TASP1: variants seen among roughly 807,000 people sequenced by gnomAD.
TASP1 encodes taspase 1.
Under a neutral mutation model 56.6 loss-of-function variants are expected in TASP1, and 16 were observed. The observed-to-expected ratio is 0.28, with a 90% confidence interval of 0.19 to 0.43. The LOEUF (loss-of-function observed/expected upper bound fraction) is 0.43. TASP1 is among the 20% of genes least tolerant of loss of function. The pLI is 1.00. For missense variants in TASP1, 393 were observed against 511.6 expected, an observed-to-expected ratio of 0.77 and a Z score of 2.24; for synonymous variants, 179 against 184.2, an observed-to-expected ratio of 0.97 and a Z score of 0.23.
At chr20:13,312,520 A>C in the TASP1 span, among the ~76,000 whole-genome samples, 27 of 152,302 alleles carry the variant, frequency 1.8e-4, no homozygotes, top group South Asian at 5.4e-3. Context: ...TAGACTCGGA[A>C]CCATGTTCTA....
chr20:13,488,066 G>T (rs1368835415), intron 10 of TASP1, among the ~76,000 whole-genome samples: 1 of 152,026 alleles, frequency 6.6e-6, no homozygotes, highest in Non-Finnish European at 1.5e-5. Flanking sequence ...GGAGTTAAGA[G>T]TCCAAAAGTG....
At chr20:13,363,558 T>C in the TASP1 span, among the ~76,000 whole-genome samples, 1 of 152,212 alleles carries the variant, frequency 6.6e-6, no homozygotes, top group Non-Finnish European at 1.5e-5. Context: ...GAAGGAGTCA[T>C]GAAAACCCCC....
the TASP1 span, among the ~76,000 whole-genome samples, chr20:13,323,973 T>G: frequency 6.6e-6 from 1 of 152,202 alleles, no homozygotes; most frequent in Non-Finnish European, 1.5e-5. Context: ...GTTAGCTGCT[T>G]TTAGGGTGTG....
At chr20:13,353,004 A>G in the TASP1 span, among the ~76,000 whole-genome samples, 1 of 152,138 alleles carries the variant, frequency 6.6e-6, no homozygotes, top group Non-Finnish European at 1.5e-5. Flanking sequence ...TGGGAGGCCA[A>G]GATGGGAGGA....
At chr20:13,309,374 A>C in the TASP1 span, among the ~76,000 whole-genome samples, 1 of 152,184 alleles carries the variant, frequency 6.6e-6, no homozygotes, top group African/African-American at 2.4e-5. Context: ...ATTGAATATT[A>C]TTTCATAATA....
chr20:13,233,367 G>A, the TASP1 span, among the ~76,000 whole-genome samples: 16 of 151,938 alleles, frequency 1.1e-4, no homozygotes, highest in Non-Finnish European at 1.9e-4. Context: ...AGGCCAAGGC[G>A]GGTGGATCAC....
At chr20:13,562,561 T>C (rs1398714097) in intron 7 of TASP1, among the ~76,000 whole-genome samples, 1 of 152,054 alleles carries the variant, frequency 6.6e-6, no homozygotes, top group African/African-American at 2.4e-5. Context: ...GTGGGGACAT[T>C]ACTACTGATT....
the TASP1 span, among the ~76,000 whole-genome samples, chr20:13,361,893 G>T: frequency 6.6e-6 from 1 of 152,196 alleles, no homozygotes; most frequent in East Asian, 1.9e-4. Flanking sequence ...TCTCTAATCA[G>T]ATATCCTGAG....
At chr20:13,468,437 T>C (rs572107133) in intron 11 of TASP1, among the ~76,000 whole-genome samples, 5 of 152,282 alleles carry the variant, frequency 3.3e-5, no homozygotes, top group African/African-American at 1.2e-4. Context: ...GAATGTGTGG[T>C]TTTCACAGGC....
chr20:13,120,210 T>A, the TASP1 span, among the ~76,000 whole-genome samples: 8 of 152,190 alleles, frequency 5.3e-5, no homozygotes, highest in Admixed American at 2.0e-4. Flanking sequence ...CTCTGATAAC[T>A]GTACTGTAAG....
chr20:13,307,683 G>A, the TASP1 span, among the ~76,000 whole-genome samples: 8 of 152,270 alleles, frequency 5.3e-5, no homozygotes, highest in East Asian at 1.9e-4. Flanking sequence ...AAATGGAATC[G>A]TACAGCACCC....
the TASP1 span, among the ~76,000 whole-genome samples, chr20:13,247,518 GT>G: frequency 0.032 from 1,875 of 57,786 alleles, 20 homozygotes; most frequent in East Asian, 0.14. Context: ...AAAGTGAGGG[GT>G]GTGTGTGTGT....
the TASP1 span, among the ~76,000 whole-genome samples, chr20:13,149,820 G>A: frequency 6.6e-5 from 10 of 152,302 alleles, no homozygotes; most frequent in Non-Finnish European, 1.3e-4. Flanking sequence ...AGGGACAGCC[G>A]GGGCCAATTA....
At chr20:13,401,760 TTCATAATAAAG>T (rs2041745444) in intron 13 of TASP1, among the ~76,000 whole-genome samples, 1 of 152,210 alleles carries the variant, frequency 6.6e-6, no homozygotes. Flanking sequence ...TCATTTCCTG[TTCATAATAAAG>T]TCAATCATTT....
chr20:13,229,464 A>G, the TASP1 span, among the ~76,000 whole-genome samples: 1 of 152,166 alleles, frequency 6.6e-6, no homozygotes, highest in African/African-American at 2.4e-5. Context: ...CATTAAACTA[A>G]GTTTTTGAGA....
the TASP1 span, among the ~76,000 whole-genome samples, chr20:13,285,918 C>A: frequency 1.3e-5 from 2 of 152,094 alleles, no homozygotes; most frequent in Non-Finnish European, 2.9e-5. Flanking sequence ...AATGGAGAGG[C>A]CAGGCTGCAT....
intron 1 of TASP1, 40 bp from the exon 2 acceptor site, chr20:13,630,192 A>G (rs1348633856): frequency 7.3e-6 from 8 of 1,103,026 alleles, no homozygotes; most frequent in Non-Finnish European, 8.8e-6. Context: ...ATTTCTTTCC[A>G]CCAACACATA....
chr20:13,414,055 G>T (rs2042175062), intron 13 of TASP1, among the ~76,000 whole-genome samples: 1 of 152,096 alleles, frequency 6.6e-6, no homozygotes, highest in African/African-American at 2.4e-5. Flanking sequence ...ACCTAATAAT[G>T]CATTTATAGC....
intron 4 of TASP1, 86 bp from the exon 5 acceptor site, chr20:13,587,456 G>C (rs1696819152): frequency 8.9e-7 from 1 of 1,125,908 alleles, no homozygotes; most frequent in Non-Finnish European, 1.3e-6. Context: ...CTAAAAGCTA[G>C]AAGGTGAGAG....
Sources: allele counts gnomAD v4.1 joint callset (sites outside exome capture counted in the v4.1 genomes callset), GRCh38; gene constraint gnomAD v4.1.1; transcripts MANE v1.5; gene names NCBI Gene and HGNC (gene_info 2026-07-23, HGNC 2026-07-21).